ADGRL3: variants seen among roughly 807,000 people sequenced by gnomAD.
ADGRL3 encodes calcium-independent alpha-latrotoxin receptor 3.
A neutral mutation model predicts 153.5 loss-of-function variants in ADGRL3; 62 were observed. The ratio of observed to expected loss-of-function variants is 0.40; its 90% CI spans 0.33 to 0.50. The LOEUF is 0.50. Ranked by LOEUF, ADGRL3 falls within the 20% of genes least tolerant of loss-of-function variation. The pLI is 0.47. For synonymous variants in ADGRL3, 710 were observed against 672.5 expected (o/e 1.06, Z -0.86); for missense variants, 1,641 against 1,859.4 (o/e 0.88, Z 2.16).
intron 2 of ADGRL3, among the ~76,000 whole-genome samples, chr4:61,433,873 T>C (rs1300468587): frequency 6.6e-6 from 1 of 152,194 alleles, no homozygotes; most frequent in African/African-American, 2.4e-5. Context: ...CTTCCTTATC[T>C]CAATAAATAA....
At chr4:61,540,377 C>T (rs887878149) in intron 4 of ADGRL3, among the ~76,000 whole-genome samples, 10 of 151,898 alleles carry the variant, frequency 6.6e-5, no homozygotes, top group South Asian at 2.1e-4. Flanking sequence ...GGAGAAACTC[C>T]GTCTCTACTA....
intron 9 of ADGRL3, among the ~76,000 whole-genome samples, chr4:61,814,308 T>C (rs1180632043): frequency 1.3e-5 from 2 of 152,130 alleles, no homozygotes; most frequent in African/African-American, 2.4e-5. Flanking sequence ...ATTTTATTAT[T>C]ATTCTAAGTC....
chr4:61,390,893 G>A (rs1334462879), intron 2 of ADGRL3, among the ~76,000 whole-genome samples: 1 of 152,154 alleles, frequency 6.6e-6, no homozygotes, highest in African/African-American at 2.4e-5. Context: ...ATCGTACAAT[G>A]TGTAGCCTTT....
intron 6 of ADGRL3, among the ~76,000 whole-genome samples, chr4:61,705,578 AC>A (rs2095843781): frequency 6.6e-6 from 1 of 151,528 alleles, no homozygotes; most frequent in Admixed American, 6.6e-5. Flanking sequence ...GCTCACTGCT[AC>A]CTCTGCCTCC....
chr4:61,368,168 T>G (rs2096444793), intron 1 of ADGRL3, among the ~76,000 whole-genome samples: 3 of 151,962 alleles, frequency 2.0e-5, no homozygotes. Flanking sequence ...TTGCAAAAAT[T>G]TTCTCCCATT....
At chr4:61,813,627 A>G (rs2097655383) in intron 8 of ADGRL3, among the ~76,000 whole-genome samples, 182 bp from the exon 9 acceptor site, 1 of 152,178 alleles carries the variant, frequency 6.6e-6, no homozygotes, top group African/African-American at 2.4e-5. Context: ...TTGGAAAAGC[A>G]CTGCTTTAAT....
intron 9 of ADGRL3, among the ~76,000 whole-genome samples, chr4:61,885,165 G>T (rs2098530901): frequency 6.6e-6 from 1 of 151,764 alleles, no homozygotes; most frequent in East Asian, 2.0e-4. Context: ...AATCCCAGCT[G>T]CTCAGGAAGC....
intron 9 of ADGRL3, among the ~76,000 whole-genome samples, chr4:61,835,396 A>G (rs1383614020): frequency 1.3e-5 from 2 of 151,832 alleles, no homozygotes; most frequent in Non-Finnish European, 2.9e-5. Context: ...GAAGAAAAAA[A>G]AAAAAAACCT....
intron 22 of ADGRL3, among the ~76,000 whole-genome samples, chr4:62,030,967 T>C (rs1721692068): frequency 6.6e-6 from 1 of 151,566 alleles, no homozygotes; most frequent in Non-Finnish European, 1.5e-5. Flanking sequence ...ATACGAGTTA[T>C]ATTTTTGTCA....
intron 5 of ADGRL3, among the ~76,000 whole-genome samples, chr4:61,587,865 T>A (rs953516595): frequency 6.6e-6 from 1 of 152,056 alleles, no homozygotes; most frequent in African/African-American, 2.4e-5. Flanking sequence ...TTTATAATCA[T>A]TAATCAAAAT....
At chr4:61,254,001 G>A (rs1039862614) in intron 1 of ADGRL3, among the ~76,000 whole-genome samples, 2 of 152,076 alleles carry the variant, frequency 1.3e-5, no homozygotes, top group Non-Finnish European at 2.9e-5. Flanking sequence ...TTAATTCTGA[G>A]TGTATACATC....
At chr4:61,535,349 T>C (rs886076979) in intron 4 of ADGRL3, among the ~76,000 whole-genome samples, 1 of 152,128 alleles carries the variant, frequency 6.6e-6, no homozygotes, top group Non-Finnish European at 1.5e-5. Context: ...GCTAGTATTT[T>C]GTTGAGGATT....
At chr4:61,681,716 A>G (rs2150984427) in intron 6 of ADGRL3, among the ~76,000 whole-genome samples, 1 of 152,220 alleles carries the variant, frequency 6.6e-6, no homozygotes, top group East Asian at 1.9e-4. Context: ...AAAACAATCT[A>G]AATATTTAAT....
chr4:61,652,549 A>C (rs1004098125), intron 5 of ADGRL3, among the ~76,000 whole-genome samples: 2 of 152,316 alleles, frequency 1.3e-5, no homozygotes, highest in Admixed American at 6.5e-5. Context: ...AATATTTACT[A>C]TCTGAACTTT....
intron 4 of ADGRL3, among the ~76,000 whole-genome samples, chr4:61,533,795 CTT>C (rs1264650373): frequency 1.3e-5 from 2 of 152,126 alleles, no homozygotes; most frequent in Non-Finnish European, 2.9e-5. Context: ...AATGGACACT[CTT>C]TTTGAAATTT....
chr4:62,056,322 TTTATA>T (rs1736961942), intron 25 of ADGRL3, among the ~76,000 whole-genome samples: 2 of 151,882 alleles, frequency 1.3e-5, no homozygotes, highest in Admixed American at 1.3e-4. Context: ...AGTTTTCTTG[TTTATA>T]TTATATTTTA....
At position 61,869,505 on chromosome 4, in the gene ADGRL3, G is replaced by A. The variant is rs957840826; in HGVS notation, c.1481-23151G>A. Among the ~76,000 whole-genome samples, 4 of 151,898 alleles carry A rather than the reference G, an allele frequency of 2.6e-5. No individual in the cohort carries two copies. In the South Asian group the frequency reaches 8.3e-4, roughly 31 times the overall value. On this transcript the variant is annotated intron_variant, in intron 9 of 26. Coordinates refer to ENST00000683033, the MANE Select transcript of ADGRL3 (RefSeq NM_001387552.1). Reference sequence around the variant, plus strand: ...CCCAGCTACTCGGGAGGCTGAGGCAGGAGAATGGCGTGAACCCGGGAAGCG... The same window carrying A: ...CCCAGCTACTCGGGAGGCTGAGGCAAGAGAATGGCGTGAACCCGGGAAGCG...
At chr4:61,869,644 C>T (rs775119086) in intron 9 of ADGRL3, among the ~76,000 whole-genome samples, 26 of 151,648 alleles carry the variant, frequency 1.7e-4, no homozygotes, top group South Asian at 2.1e-4. Context: ...TGAGACTGGG[C>T]GTGGTGGCTC....
intron 4 of ADGRL3, among the ~76,000 whole-genome samples, chr4:61,564,984 A>G (rs1478844591): frequency 6.6e-6 from 1 of 152,214 alleles, no homozygotes; most frequent in Admixed American, 6.5e-5. Flanking sequence ...AACATCAAAG[A>G]TTAATGATTA....
Sources: allele counts gnomAD v4.1 joint callset (sites outside exome capture counted in the v4.1 genomes callset), GRCh38; gene constraint gnomAD v4.1.1; transcripts MANE v1.5; gene names NCBI Gene and HGNC (gene_info 2026-07-23, HGNC 2026-07-21).